The following MAP2K2 variants were observed in gnomAD, a reference collection of about 807,000 sequenced individuals.
MAP2K2 encodes the protein mitogen-activated protein kinase kinase 2.
Under a neutral mutation model 43.7 loss-of-function variants are expected in MAP2K2, and 24 were observed. The observed-to-expected ratio is 0.55, with a 90% CI of 0.40 to 0.77. MAP2K2 has a LOEUF of 0.77. MAP2K2 is among the 30% of genes least tolerant of loss of function. The probability of loss-of-function intolerance (pLI) is 0.00; values close to 1 mark genes in which losing one functional copy is unlikely to be tolerated. For synonymous variants in MAP2K2, 244 were observed against 239.7 expected (o/e 1.02, Z -0.17); for missense variants, 470 against 566.8 (o/e 0.83, Z 1.73).
intron 10 of MAP2K2, among the ~76,000 whole-genome samples, chr19:4,092,073 G>A (rs532613231): frequency 6.6e-6 from 1 of 152,218 alleles, no homozygotes; most frequent in African/African-American, 2.4e-5. Flanking sequence ...AAGAGGCTGT[G>A]CTGGGCCACC....
At chr19:4,110,715 T>A (rs947424418) in intron 2 of MAP2K2, 60 bp from the exon 3 acceptor site, 1 of 1,574,272 alleles carries the variant, frequency 6.4e-7, no homozygotes, top group South Asian at 1.1e-5. Context: ...ATGAAGGCAT[T>A]TGGGGCCTCT....
At chr19:4,099,640 C>A (rs2040973128) in intron 6 of MAP2K2, 1 of 588,760 alleles carries the variant, frequency 1.7e-6, no homozygotes, top group Non-Finnish European at 3.0e-6. Flanking sequence ...GTGTTGACCG[C>A]AGCTCTTGAA....
intron 3 of MAP2K2, among the ~76,000 whole-genome samples, chr19:4,109,481 C>G (rs898054054): frequency 6.6e-6 from 1 of 152,156 alleles, no homozygotes; most frequent in African/African-American, 2.4e-5. Flanking sequence ...CTCTGCTGCC[C>G]GGGCTGGAGT....
chr19:4,118,055 A>G (rs1397490439), intron 1 of MAP2K2, among the ~76,000 whole-genome samples: 2 of 151,862 alleles, frequency 1.3e-5, no homozygotes, highest in African/African-American at 4.8e-5. Context: ...CTCCTGCCTC[A>G]GCCTCCCAAG....
intron 1 of MAP2K2, among the ~76,000 whole-genome samples, chr19:4,120,393 A>C (rs1055953064): frequency 6.6e-6 from 1 of 152,206 alleles, no homozygotes; most frequent in African/African-American, 2.4e-5. Context: ...AGCTCACTGC[A>C]ACCTCTGCCT....
At chr19:4,091,239 C>A (rs947646456) in intron 10 of MAP2K2, among the ~76,000 whole-genome samples, 1 of 152,254 alleles carries the variant, frequency 6.6e-6, no homozygotes, top group African/African-American at 2.4e-5. Flanking sequence ...GTACAGGCAC[C>A]GTCCCACTCG....
At chr19:4,102,533 A>G in intron 3 of MAP2K2, 80 bp from the exon 4 acceptor site, 2 of 1,140,814 alleles carry the variant, frequency 1.8e-6, no homozygotes, top group South Asian at 1.3e-5. Flanking sequence ...ACTCCCGGCG[A>G]GGGGGTGGTC....
At chr19:4,117,295 G>T in intron 2 of MAP2K2, 124 bp downstream of exon 2, 1 of 943,728 alleles carries the variant, frequency 1.1e-6, no homozygotes, top group Non-Finnish European at 1.6e-6. Flanking sequence ...TCCCTGGTGG[G>T]GATGAGGGAC....
rs77017960 is a variant in MAP2K2, at chr19:4,117,871, G to T, written c.93-242C>A. ...CCTTGATCCTGTCTCAACAAGTCTA[G>T]CAGACCTCAGGACCTCAAGGATAAG... On this transcript the variant is annotated intron_variant, in intron 1 of 10. Coordinates refer to ENST00000262948, the MANE Select transcript of MAP2K2 (RefSeq NM_030662.4). 0.018 allele frequency among the ~76,000 whole-genome samples: 2,693 copies of T among 152,266 alleles called. 82 individuals carry two copies. Among genetic ancestry groups the T allele is most frequent in the African/African-American group, 0.061 (2,517 of 41,540 alleles).
intron 3 of MAP2K2, among the ~76,000 whole-genome samples, chr19:4,105,959 C>T (rs780926702): frequency 2.6e-5 from 4 of 152,088 alleles, no homozygotes; most frequent in Non-Finnish European, 4.4e-5. Context: ...ACCTGGCCCC[C>T]GCATCTTGCT....
At chr19:4,123,749 C>T (rs2145089638) in intron 1 of MAP2K2, 35 bp downstream of exon 1, 1 of 1,492,336 alleles carries the variant, frequency 6.7e-7, no homozygotes. Context: ...CTGCCCCGTG[C>T]ACCCCAAGCC....
At chr19:4,095,562 C>T (rs938364317) in intron 8 of MAP2K2, 113 bp from the exon 9 acceptor site, 5 of 821,672 alleles carry the variant, frequency 6.1e-6, no homozygotes, top group Admixed American at 2.3e-5. Context: ...CAGGCCTGGC[C>T]GACACCACAT....
rs564180741 is a variant in MAP2K2 at position 4,091,685 on chromosome 19, G to C, written c.1093-977C>G. Among the ~76,000 whole-genome samples, 379 of 151,870 alleles carry C rather than the reference G, an allele frequency of 2.5e-3. 2 individuals carry two copies. The highest frequency in any genetic ancestry group is 4.5e-3 in the Non-Finnish European group (303 of 67,964). ...TTATTTTTTGAGACAGTCTTGCTCT[G>C]TCGCACAGGCTGGAGTGCAGTGGTA... On this transcript the variant is annotated intron_variant, in intron 10 of 10. Coordinates refer to ENST00000262948, the MANE Select transcript of MAP2K2 (RefSeq NM_030662.4).
At chr19:4,104,517 C>T (rs1305577119) in intron 3 of MAP2K2, 3 of 152,420 alleles carry the variant, frequency 2.0e-5, no homozygotes, top group Non-Finnish European at 2.9e-5. Flanking sequence ...CACACCACTG[C>T]ACTCCAGCCT....
chr19:4,110,476 C>A (rs1230766360), intron 3 of MAP2K2, 33 bp downstream of exon 3: 3 of 1,609,354 alleles, frequency 1.9e-6, no homozygotes, highest in Non-Finnish European at 2.5e-6. Flanking sequence ...TCCGTGGAGG[C>A]CCTGCCCCTG....
intron 2 of MAP2K2, among the ~76,000 whole-genome samples, chr19:4,116,587 G>C (rs547076849): frequency 6.6e-6 from 1 of 152,064 alleles, no homozygotes; most frequent in Non-Finnish European, 1.5e-5. Context: ...CTCTCTGGGC[G>C]ATGTCGTCAC....
chr19:4,100,968 G>A (rs555795045), intron 6 of MAP2K2, 51 bp downstream of exon 6: 2 of 1,549,214 alleles, frequency 1.3e-6, no homozygotes, highest in South Asian at 1.2e-5. Flanking sequence ...GGAGAGCTTG[G>A]GGGAGAGCAG....
At chr19:4,110,791 G>A (rs760718676) in intron 2 of MAP2K2, 136 bp from the exon 3 acceptor site, 33 of 896,608 alleles carry the variant, frequency 3.7e-5, no homozygotes, top group Non-Finnish European at 5.6e-5. Flanking sequence ...TCCACCCCTA[G>A]GTGTCTGCCT....
At chr19:4,123,580 C>CCCCCTGCCCCGTCCTCCCCCGAGGGT (rs1245094851) in intron 1 of MAP2K2, among the ~76,000 whole-genome samples, 6 of 39,960 alleles carry the variant, frequency 1.5e-4, no homozygotes, top group East Asian at 4.1e-4. Flanking sequence ...CCCCCGAGGG[C>CCCCCTGCCCCGTCCTCCCCCGAGGGT]CCCCTGCCCC....
Sources: gnomAD v4.1 joint callset for allele counts (sites outside exome capture counted in the v4.1 genomes callset) on GRCh38, gnomAD v4.1.1 for gene constraint, MANE v1.5 for transcripts, NCBI Gene and HGNC (gene_info 2026-07-23, HGNC 2026-07-21) for gene names.